Variants in LRRC43 observed in about 807,000 individuals in gnomAD.
The protein encoded by LRRC43 is leucine-rich repeat-containing protein 43.
LRRC43 carries 62 observed loss-of-function variants against 64.3 expected under a neutral mutation model. That is an observed-to-expected ratio of 0.96 (90% CI 0.79 to 1.19). The LOEUF (loss-of-function observed/expected upper bound fraction) is 1.19. LRRC43 is among the 50% of genes most tolerant of loss of function. LRRC43 has a pLI of 0.00. For missense variants in LRRC43, 868 were observed against 845.0 expected (o/e 1.03, Z -0.34); for synonymous variants, 422 against 382.3 (o/e 1.10, Z -1.21).
upstream of LRRC43, among the ~76,000 whole-genome samples, chr12:122,181,256 A>G (rs1030822004): frequency 2.0e-5 from 3 of 150,856 alleles, no homozygotes; most frequent in Non-Finnish European, 1.5e-5. Flanking sequence ...GAAAGGACAT[A>G]TGGTTGGCTG....
intron 4 of LRRC43, among the ~76,000 whole-genome samples, chr12:122,188,142 T>C (rs1206635066): frequency 5.9e-5 from 9 of 152,342 alleles, no homozygotes; most frequent in African/African-American, 2.2e-4. Flanking sequence ...CATCTCGCTT[T>C]GTCGCCCAGG....
At position 122,200,931 on chromosome 12, in the gene LRRC43, C is replaced by T. The variant is rs527627165; in HGVS notation, c.1806C>T (p.Ala602=). ...TGACATCTGACAGGCTGACGTTGGC[C>T]AGGGTACAGCCGGGCCCTAGCCACA... ...RTLTSDRLTL[A]RDSKKIKKVA... Residue 602 remains alanine (A), a synonymous_variant, in exon 10 of 12, where the codon GCC becomes GCT. Transcript: ENST00000339777. This position sits in a 1 kb window ranked among gnomAD's most constrained non-coding sequence, Gnocchi z 4.6. 2.7e-5 allele frequency: 43 copies of T among 1,596,140 alleles called. No homozygotes were observed. The South Asian group carries it at 3.9e-4, about 14-fold the overall frequency.
upstream of LRRC43, among the ~76,000 whole-genome samples, chr12:122,182,017 T>C (rs1455421918): frequency 6.6e-6 from 1 of 152,188 alleles, no homozygotes; most frequent in Non-Finnish European, 1.5e-5. Context: ...CCCAGTGTGA[T>C]AGTATTAAAA....
chr12:122,189,992 G>A lies in LRRC43; in HGVS notation c.663-138G>A, dbSNP rs1015066073. Reference sequence around the variant, plus strand: ...CGTTCCCGACCCGGGGTTAACTTGGGTCAAGGGTAGGACAGGGGTGCAGGC... The same window carrying A: ...CGTTCCCGACCCGGGGTTAACTTGGATCAAGGGTAGGACAGGGGTGCAGGC... On this transcript the variant is annotated intron_variant, in intron 4 of 11. Transcript: ENST00000339777. 9.3e-6 allele frequency: 7 copies of A among 751,194 alleles called. No individual in the cohort carries two copies. In the African/African-American group the frequency reaches 1.0e-4, roughly 11 times the overall value. 46.5% of individuals were successfully genotyped at this position (751,194 alleles called of 1,614,324 possible).
Position 122,172,106 on chromosome 12 carries a change from A to G in LRRC43, c.-406+4324A>G, listed in dbSNP as rs1953490302. On this transcript the variant is annotated intron_variant, in intron 1 of 5. Transcript: ENST00000537729. ...GGGAGCATTGACAACTCTTAGTACA[A>G]TAAATATCAATAAATTAACATAGCT... 1.9e-5 allele frequency: 5 copies of G among 267,476 alleles called. No homozygotes were observed. The South Asian group carries it at 2.1e-4, about 11-fold the overall frequency. The allele number at this position is 267,476 out of a possible 1,614,324, so 16.6% of individuals were successfully genotyped here.
Position 122,200,942 on chromosome 12 carries a change from C to CGGGCCCTAG in LRRC43, c.1809+9_1809+17dup, listed in dbSNP as rs777878521. On this transcript the variant is annotated intron_variant, in intron 10 of 11. Transcript: ENST00000339777. The surrounding 1 kb of genome is among the most constrained non-coding windows in gnomAD (Gnocchi z 4.6). ...AGGCTGACGTTGGCCAGGGTACAGC[C>CGGGCCCTAG]GGGCCCTAGCCACATCCTCCACCTC... is the stretch of plus-strand genomic sequence containing the variant. 1 of 1,583,058 alleles carries CGGGCCCTAG rather than the reference C, an allele frequency of 6.3e-7. No individual in the cohort carries two copies. The highest frequency in any genetic ancestry group is 8.6e-7 in the Non-Finnish European group (1 of 1,165,162).
At position 122,203,385 on chromosome 12, in the gene LRRC43, G is replaced by GA. The variant is rs1166702205; in HGVS notation, c.1915dup (p.Ile639AsnfsTer24). The GA allele has an allele frequency of 5.6e-6, 9 of 1,613,184 alleles. No homozygotes were observed. Among genetic ancestry groups the GA allele is most frequent in the African/African-American group, 1.3e-5 (1 of 74,930 alleles). Reference sequence around the variant, plus strand: ...CTGAGCCCCTGACCGTAGAGGTGCAGATCCAGCTGAACCAGTGCCGCTCGG... The same window carrying GA: ...CTGAGCCCCTGACCGTAGAGGTGCAGAATCCAGCTGAACCAGTGCCGCTCGG... On this transcript the variant is annotated frameshift_variant, in exon 12 of 12. Coordinates refer to ENST00000339777, the MANE Select transcript of LRRC43 (RefSeq NM_001098519.2). LOFTEE classifies it low-confidence loss of function (END_TRUNC).
At chr12:122,198,623 C>CTTTTTTTT (rs1012460173) in intron 7 of LRRC43, among the ~76,000 whole-genome samples, 12 of 100,492 alleles carry the variant, frequency 1.2e-4, no homozygotes, top group African/African-American at 4.7e-4. Context: ...TGCTTCATTC[C>CTTTTTTTT]TTTTTTTTTT....
At chr12:122,189,942 G>A in intron 4 of LRRC43, 188 bp from the exon 5 acceptor site, 1 of 663,950 alleles carries the variant, frequency 1.5e-6, no homozygotes, top group Non-Finnish European at 2.7e-6. Flanking sequence ...GTGCTACGGA[G>A]AGTGGAGATG....
At chr12:122,196,745 G>T (rs1330341486) in intron 7 of LRRC43, among the ~76,000 whole-genome samples, 1 of 150,632 alleles carries the variant, frequency 6.6e-6, no homozygotes, top group Non-Finnish European at 1.5e-5. Flanking sequence ...CTCCAGCCTG[G>T]GAAGACTCTG....
At chr12:122,186,755 C>T (rs544929004) in intron 3 of LRRC43, among the ~76,000 whole-genome samples, 153 of 152,232 alleles carry the variant, frequency 1.0e-3, no homozygotes, top group African/African-American at 3.5e-3. Context: ...CCCATCTCTA[C>T]TAAAAATACA....
intron 1 of LRRC43, among the ~76,000 whole-genome samples, chr12:122,175,252 C>T (rs2076020696): frequency 6.6e-6 from 1 of 151,966 alleles, no homozygotes; most frequent in South Asian, 2.1e-4. Context: ...TCACTGCAAC[C>T]TCCACTTCCC....
In LRRC43 at chr12:122,197,243, C is replaced by T. The variant is rs145510566; in HGVS notation, c.1350-2946C>T. ...TGGTGTGATCTTGGCTCACTGCAACCTCTGGCTCCTGGGTTCAAGCAATTC... is the reference window on the plus strand; with the variant it reads ...TGGTGTGATCTTGGCTCACTGCAACTTCTGGCTCCTGGGTTCAAGCAATTC... On this transcript the variant is annotated intron_variant, in intron 7 of 11. Coordinates refer to ENST00000339777, the MANE Select transcript of LRRC43 (RefSeq NM_001098519.2). Among the ~76,000 whole-genome samples, 833 of 152,292 alleles carry T rather than the reference C, an allele frequency of 5.5e-3. 5 individuals are homozygous for T. The highest frequency in any genetic ancestry group is 0.019 in the African/African-American group (787 of 41,540).
chr12:122,200,956 A>G lies in LRRC43; in HGVS notation c.1809+22A>G, dbSNP rs375015689. ...CAGGGTACAGCCGGGCCCTAGCCAC[A>G]TCCTCCACCTCTGCCTTCGCCCTCC... is the stretch of plus-strand genomic sequence containing the variant. On this transcript the variant is annotated intron_variant, in intron 10 of 11. Transcript: ENST00000339777. This position sits in a 1 kb window ranked among gnomAD's most constrained non-coding sequence, Gnocchi z 4.6. 234 of 1,564,466 alleles carry G rather than the reference A, an allele frequency of 1.5e-4. No individual in the cohort carries two copies. In the African/African-American group the frequency reaches 2.6e-3, roughly 17 times the overall value.
At chr12:122,198,108 G>A (rs1160577375) in intron 7 of LRRC43, among the ~76,000 whole-genome samples, 2 of 151,976 alleles carry the variant, frequency 1.3e-5, no homozygotes, top group Non-Finnish European at 2.9e-5. Flanking sequence ...AGCCACTTGA[G>A]TAGCTGGAAT....
intron 1 of LRRC43, among the ~76,000 whole-genome samples, chr12:122,169,769 C>G (rs1052991689): frequency 6.7e-6 from 1 of 150,254 alleles, no homozygotes; most frequent in African/African-American, 2.4e-5. Context: ...TGAACCTTTT[C>G]CCTAATTTAT....
Position 122,183,149 on chromosome 12 carries a change from A to G in LRRC43, c.5A>G (p.Glu2Gly), listed in dbSNP as rs764380514. The change falls in exon 1 of 12, where the codon GAG becomes GGG. Residue 2 changes from glutamate to glycine, a missense_variant. Transcript: ENST00000339777. M[E>G]ASYESESESE... ...CCGGGCAACGCGGCCCGGGCCATGG[A>G]GGCGTCGTACGAGTCCGAGTCCGAG... is the stretch of plus-strand genomic sequence containing the variant. 1 of 1,543,608 alleles carries G rather than the reference A, an allele frequency of 6.5e-7. No individual in the cohort carries two copies. Among genetic ancestry groups the G allele is most frequent in the Admixed American group, 1.9e-5 (1 of 52,502 alleles).
intron 1 of LRRC43, chr12:122,174,055 C>T (rs887586398): frequency 1.9e-6 from 3 of 1,612,742 alleles, no homozygotes; most frequent in South Asian, 1.1e-5. Context: ...TGGCTCCATC[C>T]CTGCAGCCCT....
upstream of LRRC43, among the ~76,000 whole-genome samples, chr12:122,180,144 G>A (rs1437518658): frequency 6.6e-6 from 1 of 152,098 alleles, no homozygotes; most frequent in Non-Finnish European, 1.5e-5. Context: ...GGCAACATGA[G>A]GTCACAGAAA....
Sources: allele counts gnomAD v4.1 joint callset (sites outside exome capture counted in the v4.1 genomes callset), GRCh38; gene constraint gnomAD v4.1.1; non-coding constraint Gnocchi (gnomAD v3.1); transcripts MANE v1.5; gene names NCBI Gene and HGNC (gene_info 2026-07-23, HGNC 2026-07-21).